WDPCP: variants seen among roughly 807,000 people sequenced by gnomAD.
WDPCP encodes WD repeat-containing and planar cell polarity effector protein fritz homolog.
A neutral mutation model predicts 93.1 loss-of-function variants in WDPCP; 71 were observed. The ratio of observed to expected loss-of-function variants is 0.76; its 90% confidence interval spans 0.63 to 0.93. The LOEUF is 0.93. Ranked by LOEUF, WDPCP falls within the 40% of genes least tolerant of loss-of-function variation. The pLI is 0.00. For missense variants in WDPCP, 844 were observed against 887.4 expected (o/e 0.95, Z 0.62); for synonymous variants, 315 against 315.0 (o/e 1.00, Z 0.00).
At chr2:63,182,716 T>C (rs1215785713) in intron 14 of WDPCP, among the ~76,000 whole-genome samples, 1 of 151,826 alleles carries the variant, frequency 6.6e-6, no homozygotes, top group Non-Finnish European at 1.5e-5. Flanking sequence ...CAGAGGGCAT[T>C]GGTACCAGTT....
chr2:63,153,260 A>C (rs1672001104), intron 16 of WDPCP: 1 of 568,824 alleles, frequency 1.8e-6, no homozygotes, highest in African/African-American at 1.9e-5. Context: ...ACTGAATCAG[A>C]ATCAACTTTT....
intron 9 of WDPCP, among the ~76,000 whole-genome samples, chr2:63,418,471 G>A (rs1695593397): frequency 6.6e-6 from 1 of 152,172 alleles, no homozygotes. Flanking sequence ...TCTTCCATGA[G>A]GCATGCTTAT....
intron 3 of WDPCP, among the ~76,000 whole-genome samples, chr2:63,609,176 G>A (rs947284897): frequency 1.3e-5 from 2 of 152,098 alleles, no homozygotes; most frequent in African/African-American, 4.8e-5. Context: ...AGACTAGCCT[G>A]GCCAACATGG....
At chr2:63,577,954 G>GT (rs1708227026) in intron 1 of WDPCP, among the ~76,000 whole-genome samples, 1 of 152,078 alleles carries the variant, frequency 6.6e-6, no homozygotes, top group African/African-American at 2.4e-5. Flanking sequence ...ATCTTCAAAG[G>GT]TAAATTATAC....
intron 14 of WDPCP, among the ~76,000 whole-genome samples, chr2:63,209,699 G>C (rs1238624282): frequency 1.3e-5 from 2 of 152,142 alleles, no homozygotes; most frequent in African/African-American, 4.8e-5. Context: ...TTCAATGACA[G>C]CATCTTTTTA....
chr2:63,536,566 T>C lies in WDPCP; in HGVS notation c.76-43626A>G, dbSNP rs985075020. Among the ~76,000 whole-genome samples, 3 of 152,074 alleles carry C rather than the reference T, an allele frequency of 2.0e-5. No homozygotes were observed. In the South Asian group the frequency reaches 6.2e-4, roughly 31 times the overall value. On this transcript the variant is annotated intron_variant, in intron 1 of 17. Transcript: ENST00000272321. ...TGAGGTCATGTCCTTTGTAGGGACA[T>C]GGATGAAGCTGGAAACCATCATTCT...
chr2:63,714,075 G>GTTTCATTCAAGTTTCA (rs1669299780), intron 2 of WDPCP, among the ~76,000 whole-genome samples: 1 of 138,562 alleles, frequency 7.2e-6, no homozygotes. Flanking sequence ...TTTTTTTTGA[G>GTTTCATTCAAGTTTCA]ACGGAGTTTC....
In WDPCP at chr2:63,336,444, C is replaced by T. The variant is rs145874370; in HGVS notation, c.1749-23133G>A. ...TCCTTATTTTGTTCCCAATCTTAGGCGGAAACCACTCAGCCATTGAATATA... is the reference window on the plus strand; with the variant it reads ...TCCTTATTTTGTTCCCAATCTTAGGTGGAAACCACTCAGCCATTGAATATA... On this transcript the variant is annotated intron_variant, in intron 12 of 17. Coordinates refer to ENST00000272321, the MANE Select transcript of WDPCP (RefSeq NM_015910.7). Among the ~76,000 whole-genome samples, 469 of 152,220 alleles carry T rather than the reference C, an allele frequency of 3.1e-3. 2 individuals are homozygous for T. The highest frequency in any genetic ancestry group is 6.8e-3 in the Middle Eastern group (2 of 294).
At chr2:63,216,141 C>G (rs141301592) in intron 14 of WDPCP, among the ~76,000 whole-genome samples, 14,459 of 152,190 alleles carry the variant, frequency 0.095, 983 homozygotes, top group Non-Finnish European at 0.14. Flanking sequence ...TCGTGGAAGT[C>G]AGTGTGGCAA....
intron 13 of WDPCP, among the ~76,000 whole-genome samples, chr2:63,276,291 C>G (rs1683084051): frequency 6.6e-6 from 1 of 152,098 alleles, no homozygotes; most frequent in African/African-American, 2.4e-5. Flanking sequence ...GGGACCAGAA[C>G]AATTCTGGTA....
chr2:63,150,892 A>T (rs1671845031), intron 17 of WDPCP, among the ~76,000 whole-genome samples: 1 of 152,216 alleles, frequency 6.6e-6, no homozygotes, highest in Admixed American at 6.5e-5. Context: ...TCACAAGAAG[A>T]CTTTGCAAAC....
At chr2:63,591,408 C>A (rs1022581765), upstream of WDPCP, among the ~76,000 whole-genome samples, 2 of 152,154 alleles carry the variant, frequency 1.3e-5, no homozygotes, top group Non-Finnish European at 1.5e-5. Context: ...GTAATTTCCC[C>A]AAAGACACAG....
At chr2:63,716,251 T>A (rs1211202548) in intron 2 of WDPCP, among the ~76,000 whole-genome samples, 1 of 152,166 alleles carries the variant, frequency 6.6e-6, no homozygotes, top group Non-Finnish European at 1.5e-5. Context: ...AGACCTCTAG[T>A]AACTTAATAG....
chr2:63,595,848 G>GT (rs1709301023), intron 3 of WDPCP, among the ~76,000 whole-genome samples: 2 of 152,130 alleles, frequency 1.3e-5, no homozygotes. Flanking sequence ...CGTAGGAATT[G>GT]TCTACATTGT....
chr2:63,820,634 C>T (rs919140042), intron 1 of WDPCP, among the ~76,000 whole-genome samples: 1 of 152,098 alleles, frequency 6.6e-6, no homozygotes, highest in Non-Finnish European at 1.5e-5. Flanking sequence ...GAAGCGGGGG[C>T]TTGTATATTT....
At chr2:63,721,896 C>T (rs900642032) in intron 2 of WDPCP, among the ~76,000 whole-genome samples, 3 of 152,218 alleles carry the variant, frequency 2.0e-5, no homozygotes, top group Non-Finnish European at 2.9e-5. Flanking sequence ...CGCGCCGCCA[C>T]GCCTGACTGG....
intron 12 of WDPCP, among the ~76,000 whole-genome samples, chr2:63,341,345 T>C (rs1041599007): frequency 1.3e-5 from 2 of 152,202 alleles, no homozygotes; most frequent in African/African-American, 4.8e-5. Context: ...GCCAGGCTGG[T>C]CTCGAACTCC....
chr2:63,360,745 C>G (rs1690383914), intron 12 of WDPCP, among the ~76,000 whole-genome samples: 1 of 152,176 alleles, frequency 6.6e-6, no homozygotes, highest in South Asian at 2.1e-4. Context: ...TTCTTTTGCT[C>G]AAGCCCCAGT....
chr2:63,806,612 G>A (rs1338718078), intron 2 of WDPCP, among the ~76,000 whole-genome samples: 1 of 152,286 alleles, frequency 6.6e-6, no homozygotes, highest in South Asian at 2.1e-4. Context: ...CGCTATGGGA[G>A]ACGAGTCTAT....
Sources: gnomAD v4.1 joint callset for allele counts (sites outside exome capture counted in the v4.1 genomes callset) on GRCh38, gnomAD v4.1.1 for gene constraint, MANE v1.5 for transcripts, NCBI Gene and HGNC (gene_info 2026-07-23, HGNC 2026-07-21) for gene names.